CHD9: variants seen among roughly 807,000 people sequenced by gnomAD.
CHD9 encodes chromodomain helicase DNA binding protein 9.
In CHD9, 77 loss-of-function variants were observed where a neutral mutation model predicts 316.1. That is an observed-to-expected ratio of 0.24 (90% CI 0.20 to 0.29). The LOEUF is 0.29. Ranked by LOEUF, CHD9 falls within the 10% of genes least tolerant of loss-of-function variation. CHD9 has a pLI of 1.00. For missense variants in CHD9, 2,763 were observed against 3,438.1 expected (o/e 0.80, Z 4.91); for synonymous variants, 1,129 against 1,158.3 (o/e 0.97, Z 0.51).
chr16:53,070,650 G>A (rs9938267), intron 1 of CHD9, among the ~76,000 whole-genome samples: 97,912 of 151,660 alleles, frequency 0.65, 32,228 homozygotes, highest in Non-Finnish European at 0.67. Flanking sequence ...TGCCTCCCGG[G>A]TTCATGTGAT....
intron 35 of CHD9, 25 bp downstream of exon 35, chr16:53,314,541 T>A (rs938502888): frequency 5.9e-6 from 9 of 1,518,582 alleles, no homozygotes; most frequent in Non-Finnish European, 7.1e-6. Context: ...ACTTAAAAAC[T>A]GATCCTTGAA....
At chr16:53,134,610 A>C (rs1208025835) in intron 1 of CHD9, among the ~76,000 whole-genome samples, 1 of 152,140 alleles carries the variant, frequency 6.6e-6, no homozygotes, top group African/African-American at 2.4e-5. Flanking sequence ...TATTTGTTGC[A>C]CTTATTTGGC....
intron 1 of CHD9, among the ~76,000 whole-genome samples, chr16:53,151,204 C>G (rs1216400212): frequency 3.4e-5 from 4 of 118,474 alleles, no homozygotes; most frequent in African/African-American, 1.3e-4. Flanking sequence ...CCCTCCCCTC[C>G]CCTCCCCTCC....
chr16:53,242,846 A>C lies in CHD9; in HGVS notation c.2884A>C (p.Ile962Leu). ...EMYFRDSQGR[I>L]IRGAYRFQAI... is the part of the protein sequence containing the mutation. ...TATATTTGATCATTTCTAGGGGCGT[A>C]TCATTCGAGGAGCTTACAGATTCCA... The change falls in exon 13 of 39, where the codon ATC (isoleucine) becomes CTC (leucine). Residue 962 changes from isoleucine (I) to leucine (L), a missense_variant. Ile to Leu is a conservative substitution (Grantham distance 5). This residue lies in a region of CHD9 where 186 missense variants were observed against 245.0 expected (regional missense o/e 0.76). Transcript: ENST00000447540. The C allele has an allele frequency of 6.2e-7, 1 of 1,612,124 alleles. No individual in the cohort carries two copies. The highest frequency in any genetic ancestry group is 1.3e-5 in the African/African-American group (1 of 74,966).
chr16:53,278,014 G>GA (rs879377529), intron 24 of CHD9, among the ~76,000 whole-genome samples: 202 of 137,108 alleles, frequency 1.5e-3, no homozygotes, highest in African/African-American at 2.5e-3. Flanking sequence ...ACAATAGCCA[G>GA]AAAAAAAAAA....
chr16:53,094,573 C>T (rs1040238525), intron 1 of CHD9, among the ~76,000 whole-genome samples: 2 of 152,136 alleles, frequency 1.3e-5, no homozygotes, highest in African/African-American at 4.8e-5. Context: ...CTTTATTTCC[C>T]GTCTCTCAAC....
chr16:53,140,366 G>T (rs2040014031), intron 1 of CHD9, among the ~76,000 whole-genome samples: 1 of 146,552 alleles, frequency 6.8e-6, no homozygotes, highest in African/African-American at 2.5e-5. Context: ...GCAATGAGCT[G>T]AGATCACACC....
At chr16:53,069,869 T>A (rs1033505729) in intron 1 of CHD9, among the ~76,000 whole-genome samples, 1 of 152,182 alleles carries the variant, frequency 6.6e-6, no homozygotes, top group African/African-American at 2.4e-5. Flanking sequence ...CACCAAGGTT[T>A]CCATTTCTCC....
intron 1 of CHD9, among the ~76,000 whole-genome samples, chr16:53,147,968 T>C (rs1046270945): frequency 3.3e-5 from 5 of 151,762 alleles, no homozygotes; most frequent in African/African-American, 9.7e-5. Flanking sequence ...CTTTGGGAGG[T>C]TGAGGTGGGT....
At chr16:53,129,273 G>A (rs1244552090) in intron 1 of CHD9, among the ~76,000 whole-genome samples, 1 of 152,222 alleles carries the variant, frequency 6.6e-6, no homozygotes, top group Non-Finnish European at 1.5e-5. Flanking sequence ...AGATAGATGA[G>A]ATGTTACTGG....
chr16:53,260,797 A>G (rs1261739352), intron 19 of CHD9, among the ~76,000 whole-genome samples: 1 of 152,090 alleles, frequency 6.6e-6, no homozygotes, highest in Non-Finnish European at 1.5e-5. Flanking sequence ...TGCTTCTGTC[A>G]TGTCATATCC....
At chr16:53,171,248 TC>T (rs1047932281) in intron 2 of CHD9, among the ~76,000 whole-genome samples, 1 of 151,784 alleles carries the variant, frequency 6.6e-6, no homozygotes, top group Non-Finnish European at 1.5e-5. Context: ...AAACCCCGTC[TC>T]CACTAAAAAA....
chr16:53,294,684 C>T (rs1209681141), intron 29 of CHD9, among the ~76,000 whole-genome samples: 1 of 152,154 alleles, frequency 6.6e-6, no homozygotes, highest in Non-Finnish European at 1.5e-5. Flanking sequence ...CAAAATGTCA[C>T]TTTTGCCACC....
intron 11 of CHD9, 72 bp from the exon 12 acceptor site, chr16:53,238,271 T>C (rs1347756799): frequency 1.6e-6 from 2 of 1,274,710 alleles, no homozygotes; most frequent in Non-Finnish European, 2.1e-6. Context: ...TTTGATTATT[T>C]TTGTATATTT....
intron 26 of CHD9, among the ~76,000 whole-genome samples, chr16:53,287,175 A>C (rs2053950070): frequency 6.6e-6 from 1 of 152,152 alleles, no homozygotes; most frequent in Admixed American, 6.5e-5. Context: ...TGTGTTGCAC[A>C]TGCTGGTCTT....
chr16:53,145,465 AG>A (rs904624599), intron 1 of CHD9, among the ~76,000 whole-genome samples: 19 of 151,242 alleles, frequency 1.3e-4, no homozygotes, highest in Non-Finnish European at 2.1e-4. Flanking sequence ...CCAGCACTTT[AG>A]GAGGCTGAGG....
In CHD9 at chr16:53,308,964, T is replaced by C. The variant is rs1181476514; in HGVS notation, c.7222+110T>C. On this transcript the variant is annotated intron_variant, in intron 34 of 38. Transcript: ENST00000447540. ...TTTATTTTTCCTTTGTTGGAACCTC[T>C]TAAGCCTATAAAGTAATCAATAGAA... 6.3e-6 allele frequency: 5 copies of C among 799,114 alleles called. No homozygotes were observed. In the African/African-American group the frequency reaches 7.0e-5, roughly 11 times the overall value. 49.5% of individuals were successfully genotyped at this position (799,114 alleles called of 1,614,324 possible).
At chr16:53,280,837 G>T (rs944032922) in intron 24 of CHD9, among the ~76,000 whole-genome samples, 1 of 151,948 alleles carries the variant, frequency 6.6e-6, no homozygotes, top group Non-Finnish European at 1.5e-5. Flanking sequence ...TCTTCTTCGG[G>T]GTCTCACTAA....
intron 2 of CHD9, among the ~76,000 whole-genome samples, chr16:53,177,633 T>C (rs2043178059): frequency 6.6e-6 from 1 of 152,216 alleles, no homozygotes; most frequent in Non-Finnish European, 1.5e-5. Context: ...TGTTATTACA[T>C]AACTATTTCT....
Sources: allele counts gnomAD v4.1 joint callset (sites outside exome capture counted in the v4.1 genomes callset), GRCh38; gene constraint gnomAD v4.1.1; regional missense constraint gnomAD v4.1.1; transcripts MANE v1.5; gene names NCBI Gene and HGNC (gene_info 2026-07-23, HGNC 2026-07-21).